WWOX: variants seen among roughly 807,000 people sequenced by gnomAD.
WWOX encodes the protein WW domain containing oxidoreductase, also known as WW domain-containing oxidoreductase.
A neutral mutation model predicts 46.2 loss-of-function variants in WWOX; 69 were observed. The ratio of observed to expected loss-of-function variants is 1.49; its 90% CI spans 1.23 to 1.82. The LOEUF is 1.82. Ranked by LOEUF, WWOX falls within the 40% of genes most tolerant of loss-of-function variation. The probability of loss-of-function intolerance (pLI) is 0.00; values close to 1 mark genes in which losing one functional copy is unlikely to be tolerated. For synonymous variants in WWOX, 359 were observed against 202.6 expected (o/e 1.77, Z -6.56); for missense variants, 919 against 542.6 (o/e 1.69, Z -6.89).
chr16:78,920,698 A>T (rs1036602448), intron 8 of WWOX, among the ~76,000 whole-genome samples: 2 of 152,184 alleles, frequency 1.3e-5, no homozygotes, highest in East Asian at 1.9e-4. Context: ...GTAAAGAGTG[A>T]TGGAGACAGA....
In WWOX at chr16:78,918,732, C is replaced by G. The variant is rs545105389; in HGVS notation, c.1057-292876C>G. On this transcript the variant is annotated intron_variant, in intron 8 of 8. Transcript: ENST00000566780. ...CAGGCCCTGGAGGAATTTTCTCTCA[C>G]TATACCCATTTCAGAAATTCCAGAA... Among the ~76,000 whole-genome samples the G allele has an allele frequency of 2.6e-5, 4 of 152,316 alleles. No homozygotes were observed. In the South Asian group the frequency reaches 8.3e-4, roughly 32 times the overall value.
intron 5 of WWOX, among the ~76,000 whole-genome samples, chr16:78,330,955 T>C (rs1188496594): frequency 6.6e-6 from 1 of 152,202 alleles, no homozygotes; most frequent in Admixed American, 6.5e-5. Flanking sequence ...ATACAAATAA[T>C]CTAGTCTTTT....
chr16:78,684,967 G>C (rs533896313), intron 8 of WWOX, among the ~76,000 whole-genome samples: 3 of 152,226 alleles, frequency 2.0e-5, no homozygotes, highest in Non-Finnish European at 4.4e-5. Flanking sequence ...TTGCATCGTG[G>C]GCCTCTTTGG....
chr16:78,129,508 G>T (rs1027248515), intron 4 of WWOX, among the ~76,000 whole-genome samples: 3 of 152,278 alleles, frequency 2.0e-5, no homozygotes, highest in Middle Eastern at 3.4e-3. Flanking sequence ...GCCGTTGTGT[G>T]TGCAGTCCAT....
In WWOX at chr16:78,591,257, G is replaced by A. The variant is rs2045344356; in HGVS notation, c.1056+158505G>A. 2.0e-5 allele frequency among the ~76,000 whole-genome samples: 3 copies of A among 152,130 alleles called. No homozygotes were observed. The South Asian group carries it at 6.2e-4, about 31-fold the overall frequency. ...TCCTATATGTACCTCTTGGGAACAA[G>A]GGAACCTTTCCCCAAAGCCCCTCAA... On this transcript the variant is annotated intron_variant, in intron 8 of 8. Coordinates refer to ENST00000566780, the MANE Select transcript of WWOX (RefSeq NM_016373.4).
intron 4 of WWOX, among the ~76,000 whole-genome samples, chr16:78,133,607 G>T (rs939993902): frequency 6.6e-6 from 1 of 152,122 alleles, no homozygotes; most frequent in Non-Finnish European, 1.5e-5. Flanking sequence ...TGTTGGCCAG[G>T]CTGGTCTGGA....
intron 5 of WWOX, among the ~76,000 whole-genome samples, chr16:78,217,946 C>G (rs908966814): frequency 3.3e-5 from 5 of 152,188 alleles, no homozygotes; most frequent in African/African-American, 1.2e-4. Context: ...TGGTTTCTTC[C>G]TTGTATTTAT....
chr16:78,403,184 C>T (rs557303263), intron 6 of WWOX, among the ~76,000 whole-genome samples: 2 of 152,314 alleles, frequency 1.3e-5, no homozygotes, highest in African/African-American at 4.8e-5. Flanking sequence ...CGTGCTTAAG[C>T]ACATTCCCCA....
chr16:78,158,651 C>T (rs1348137928), intron 4 of WWOX, among the ~76,000 whole-genome samples: 3 of 151,950 alleles, frequency 2.0e-5, no homozygotes, highest in Admixed American at 6.6e-5. Context: ...TAAAGTTGTT[C>T]ACCATATCTT....
chr16:78,900,283 C>T (rs1490166274), intron 8 of WWOX, among the ~76,000 whole-genome samples: 2 of 152,072 alleles, frequency 1.3e-5, no homozygotes, highest in Non-Finnish European at 1.5e-5. Context: ...GGAAAGTTTC[C>T]AGCCTGGTTT....
intron 8 of WWOX, among the ~76,000 whole-genome samples, chr16:78,575,680 A>G (rs2044860821): frequency 6.6e-6 from 1 of 152,174 alleles, no homozygotes; most frequent in African/African-American, 2.4e-5. Context: ...TGAATAATGG[A>G]TGACACCCTC....
intron 8 of WWOX, among the ~76,000 whole-genome samples, chr16:79,145,908 T>C (rs1358661365): frequency 6.6e-6 from 1 of 152,214 alleles, no homozygotes; most frequent in African/African-American, 2.4e-5. Context: ...ATTAAAATTA[T>C]ATAATTTATT....
intron 8 of WWOX, among the ~76,000 whole-genome samples, chr16:79,126,903 A>T (rs986837483): frequency 6.6e-6 from 1 of 152,168 alleles, no homozygotes; most frequent in Non-Finnish European, 1.5e-5. Context: ...CTCTGTGTGT[A>T]AGACAGAGAA....
chr16:78,870,839 C>T (rs184790371), intron 8 of WWOX, among the ~76,000 whole-genome samples: 55 of 152,250 alleles, frequency 3.6e-4, no homozygotes, highest in Non-Finnish European at 6.0e-4. Context: ...TGAGCTTAGG[C>T]AGTCTGCCCA....
chr16:78,486,285 T>C (rs2151454769), intron 8 of WWOX, among the ~76,000 whole-genome samples: 1 of 152,324 alleles, frequency 6.6e-6, no homozygotes, highest in East Asian at 1.9e-4. Flanking sequence ...TTTATGTATG[T>C]AAAGTATTTG....
At chr16:78,162,189 C>T (rs1219803217) in intron 4 of WWOX, among the ~76,000 whole-genome samples, 1 of 152,120 alleles carries the variant, frequency 6.6e-6, no homozygotes, top group Admixed American at 6.6e-5. Flanking sequence ...TTTTTGTTCT[C>T]TGCCTTTATT....
chr16:78,583,025 C>T (rs2045101469), intron 8 of WWOX, among the ~76,000 whole-genome samples: 2 of 152,182 alleles, frequency 1.3e-5, no homozygotes, highest in African/African-American at 4.8e-5. Flanking sequence ...TGCAAGAGAC[C>T]TAGGAATTCA....
At chr16:78,470,933 C>G (rs2084205965) in intron 8 of WWOX, among the ~76,000 whole-genome samples, 1 of 152,180 alleles carries the variant, frequency 6.6e-6, no homozygotes. Context: ...GCCTTCCTAG[C>G]AACTGAGGAT....
At chr16:78,928,097 T>C (rs1214679988) in intron 8 of WWOX, among the ~76,000 whole-genome samples, 1 of 152,174 alleles carries the variant, frequency 6.6e-6, no homozygotes, top group Non-Finnish European at 1.5e-5. Flanking sequence ...TTCAAAAGCC[T>C]TTTGTCCGTA....
Sources: allele counts gnomAD v4.1 joint callset (sites outside exome capture counted in the v4.1 genomes callset), GRCh38; gene constraint gnomAD v4.1.1; transcripts MANE v1.5; gene names NCBI Gene and HGNC (gene_info 2026-07-23, HGNC 2026-07-21).